CCDC30: variants seen among roughly 807,000 people sequenced by gnomAD.
The protein encoded by CCDC30 is coiled-coil domain-containing protein 30.
CCDC30 carries 70 observed loss-of-function variants against 100.2 expected under a neutral mutation model. The ratio of observed to expected loss-of-function variants is 0.70; its 90% CI spans 0.58 to 0.85. The LOEUF (loss-of-function observed/expected upper bound fraction) is 0.85, where lower values mean the gene tolerates loss of function less well. CCDC30 is among the 40% of genes least tolerant of loss of function. The pLI, the probability that CCDC30 is intolerant of heterozygous loss-of-function variation, is 0.00. For missense variants in CCDC30, 652 were observed against 771.2 expected, an observed-to-expected ratio of 0.85 and a Z score of 1.83; for synonymous variants, 233 against 269.5, an observed-to-expected ratio of 0.86 and a Z score of 1.33.
intron 4 of CCDC30, among the ~76,000 whole-genome samples, chr1:42,496,323 A>C (rs1247430408): frequency 6.6e-6 from 1 of 152,148 alleles, no homozygotes; most frequent in African/African-American, 2.4e-5. Context: ...ATGTCTTCCC[A>C]GCTACTAAAG....
chr1:42,623,345 T>G (rs1646875474), intron 11 of CCDC30, among the ~76,000 whole-genome samples: 1 of 152,234 alleles, frequency 6.6e-6, no homozygotes, highest in South Asian at 2.1e-4. Flanking sequence ...CAGTGTTTTC[T>G]TATAGTACTC....
intron 10 of CCDC30, among the ~76,000 whole-genome samples, chr1:42,603,108 G>C (rs1646436590): frequency 6.6e-6 from 1 of 152,170 alleles, no homozygotes; most frequent in South Asian, 2.1e-4. Context: ...ATAAACAACA[G>C]AAATTTATTT....
intron 3 of CCDC30, chr1:42,489,823 T>C (rs1400472833): frequency 6.2e-6 from 1 of 161,352 alleles, no homozygotes; most frequent in Admixed American, 6.4e-5. Flanking sequence ...GTAATTTCTT[T>C]TTACTAAACT....
At chr1:42,635,650 A>C (rs1284265716) in intron 11 of CCDC30, among the ~76,000 whole-genome samples, 1 of 152,126 alleles carries the variant, frequency 6.6e-6, no homozygotes, top group Non-Finnish European at 1.5e-5. Context: ...TCTACTAAAA[A>C]TACAAAAAAT....
chr1:42,535,640 G>A (rs759578728), intron 6 of CCDC30, among the ~76,000 whole-genome samples: 9 of 67,990 alleles, frequency 1.3e-4, no homozygotes, highest in South Asian at 6.2e-4. Flanking sequence ...TGAGTGGATC[G>A]CTTGAGCCCA....
At chr1:42,456,615 C>G in the CCDC30 span, 3 of 1,536,796 alleles carry the variant, frequency 2.0e-6, no homozygotes, top group South Asian at 3.8e-5. Context: ...CCCGGTGCTG[C>G]GCGCTGGGCT....
At chr1:42,526,382 G>C (rs528961574) in intron 6 of CCDC30, among the ~76,000 whole-genome samples, 3 of 150,918 alleles carry the variant, frequency 2.0e-5, no homozygotes, top group Non-Finnish European at 4.4e-5. Context: ...CTATTTTTTT[G>C]TTGGAGGGTT....
chr1:42,655,427 G>C (rs563853612), downstream of CCDC30, among the ~76,000 whole-genome samples: 36 of 152,130 alleles, frequency 2.4e-4, 1 homozygote, highest in South Asian at 7.5e-3. Context: ...CGCGCCTGTA[G>C]TCCCAGCTAC....
chr1:42,604,985 T>C (rs1646475054), intron 10 of CCDC30, among the ~76,000 whole-genome samples: 1 of 152,230 alleles, frequency 6.6e-6, no homozygotes, highest in South Asian at 2.1e-4. Flanking sequence ...AGGTAAGACT[T>C]TAATTGGCTG....
intron 6 of CCDC30, among the ~76,000 whole-genome samples, chr1:42,540,697 T>G (rs1644996440): frequency 6.9e-6 from 1 of 144,680 alleles, no homozygotes; most frequent in Admixed American, 6.8e-5. Flanking sequence ...ACACACAGTT[T>G]TTTATAAACT....
At chr1:42,611,203 G>A (rs1646616614) in intron 11 of CCDC30, 113 bp downstream of exon 15, 2 of 563,632 alleles carry the variant, frequency 3.5e-6, no homozygotes, top group Non-Finnish European at 6.2e-6. Flanking sequence ...TTTCAAGAGG[G>A]CCATCATAAA....
At chr1:42,474,730 C>G (rs1643863904) in intron 1 of CCDC30, among the ~76,000 whole-genome samples, 1 of 152,152 alleles carries the variant, frequency 6.6e-6, no homozygotes, top group South Asian at 2.1e-4. Flanking sequence ...AGTCTCTTAG[C>G]CTCTCTAAGC....
chr1:42,539,255 ATTT>A, intron 6 of CCDC30: 1 of 1,610,790 alleles, frequency 6.2e-7, no homozygotes, highest in East Asian at 2.2e-5. Context: ...AGCAAAGACC[ATTT>A]TTTAATAGCA....
At chr1:42,510,861 C>G (rs1217729961) in intron 6 of CCDC30, among the ~76,000 whole-genome samples, 5 of 151,766 alleles carry the variant, frequency 3.3e-5, no homozygotes, top group African/African-American at 1.2e-4. Context: ...CCTGATATGA[C>G]TGCTATAAGG....
intron 6 of CCDC30, 145 bp from the exon 7 acceptor site, chr1:42,536,331 T>G (rs1312735739): frequency 1.8e-5 from 9 of 502,268 alleles, no homozygotes; most frequent in Non-Finnish European, 2.8e-5. Context: ...GAGAAAAATG[T>G]ATCTTATGAG....
intron 6 of CCDC30, among the ~76,000 whole-genome samples, chr1:42,563,209 G>A (rs141931354): frequency 0.048 from 7,235 of 152,204 alleles, 278 homozygotes; most frequent in East Asian, 0.14. Flanking sequence ...CAACTCAAAT[G>A]CCCATCAGTG....
At chr1:42,550,259 A>G (rs1040910886) in intron 6 of CCDC30, among the ~76,000 whole-genome samples, 1 of 152,176 alleles carries the variant, frequency 6.6e-6, no homozygotes, top group African/African-American at 2.4e-5. Context: ...TAGCACTGAT[A>G]TCACTCATCA....
At chr1:42,459,909 A>T, upstream of CCDC30, 1 of 1,607,946 alleles carries the variant, frequency 6.2e-7, no homozygotes, top group Non-Finnish European at 8.5e-7. Context: ...CACAGCTTTT[A>T]TAGGTGACAG....
chr1:42,591,534 C>T (rs573828750), intron 10 of CCDC30: 1 of 152,458 alleles, frequency 6.6e-6, no homozygotes, highest in African/African-American at 2.4e-5. Flanking sequence ...GGCTTGGCAG[C>T]TCCCACAAAG....
Sources: gnomAD v4.1 joint callset for allele counts (sites outside exome capture counted in the v4.1 genomes callset) on GRCh38, gnomAD v4.1.1 for gene constraint, MANE v1.5 for transcripts, NCBI Gene and HGNC (gene_info 2026-07-23, HGNC 2026-07-21) for gene names.